Variants in ACOX2 observed in about 807,000 individuals in gnomAD.
ACOX2 encodes peroxisomal acyl-coenzyme A oxidase 2.
ACOX2 carries 59 observed loss-of-function variants against 77.5 expected under a neutral mutation model. That is an observed-to-expected ratio of 0.76 (90% CI 0.62 to 0.95). ACOX2 has a LOEUF of 0.95. Ranked by LOEUF, ACOX2 falls within the 40% of genes least tolerant of loss-of-function variation. The probability of loss-of-function intolerance (pLI) is 0.00; values close to 1 mark genes in which losing one functional copy is unlikely to be tolerated. For missense variants in ACOX2, 837 were observed against 880.4 expected (o/e 0.95, Z 0.62); for synonymous variants, 317 against 340.1 (o/e 0.93, Z 0.75).
rs1301065185 is a variant in ACOX2 at position 58,535,262 on chromosome 3, T to G, written c.-91-65A>C. 1 of 865,840 alleles carries G rather than the reference T, an allele frequency of 1.2e-6. No individual in the cohort carries two copies. Among genetic ancestry groups the G allele is most frequent in the Non-Finnish European group, 1.8e-6 (1 of 549,772 alleles). The allele number at this position is 865,840 out of a possible 1,614,324, so 53.6% of individuals were successfully genotyped here. On this transcript the variant is annotated intron_variant, in intron 1 of 14. Transcript: ENST00000302819. This position sits in a 1 kb window ranked among gnomAD's most constrained non-coding sequence, Gnocchi z 4.8. ...AGGGCTGGTTGGTAGAAGAAAGACA[T>G]CCCTAAGTACCTGAATGCCACTCCA...
At position 58,524,308 on chromosome 3, in the gene ACOX2, G is replaced by C; in HGVS notation, c.1526+118C>G. The C allele has an allele frequency of 1.5e-6, 2 of 1,299,378 alleles. No homozygotes were observed. Among genetic ancestry groups the C allele is most frequent in the South Asian group, 1.4e-5 (1 of 69,026 alleles). The allele number at this position is 1,299,378 out of a possible 1,614,324, so 80.5% of individuals were successfully genotyped here. A position where few individuals can be genotyped will look rare whatever the true frequency, so the allele number is the denominator to read the frequency against. On this transcript the variant is annotated intron_variant, in intron 11 of 14. Coordinates refer to ENST00000302819, the MANE Select transcript of ACOX2 (RefSeq NM_003500.4). The surrounding 1 kb of genome is among the most constrained non-coding windows in gnomAD (Gnocchi z 5.5). ...GGAACTGAGAGGACCGGGGAGGCTA[G>C]GCATGGGGTGGTTTTTAGAACTGAA...
At position 58,521,705 on chromosome 3, in the gene ACOX2, C is replaced by A. The variant is rs1334300319; in HGVS notation, c.1632+791G>T. Reference sequence around the variant, plus strand: ...CATTGCAATGAAAACAAAACCCCAACTTTTCACAGTGGTGCAAAAGGTCAG... The same window carrying A: ...CATTGCAATGAAAACAAAACCCCAAATTTTCACAGTGGTGCAAAAGGTCAG... On this transcript the variant is annotated intron_variant, in intron 12 of 14. Coordinates refer to ENST00000302819, the MANE Select transcript of ACOX2 (RefSeq NM_003500.4). This position sits in a 1 kb window ranked among gnomAD's most constrained non-coding sequence, Gnocchi z 4.8. Among the ~76,000 whole-genome samples, 1 of 152,232 alleles carries A rather than the reference C, an allele frequency of 6.6e-6. No individual in the cohort carries two copies. Among genetic ancestry groups the A allele is most frequent in the Non-Finnish European group, 1.5e-5 (1 of 68,042 alleles).
rs1250684902 is a variant in ACOX2 at position 58,528,953 on chromosome 3, G to A, written c.996C>T (p.Asp332=). 1 of 1,607,892 alleles carries A rather than the reference G, an allele frequency of 6.2e-7. No homozygotes were observed. Among genetic ancestry groups the A allele is most frequent in the Non-Finnish European group, 8.5e-7 (1 of 1,176,768 alleles). The change falls in exon 9 of 15, where the codon GAC becomes GAT. Residue 332 remains aspartate (D), a synonymous_variant. Transcript: ENST00000302819. The surrounding 1 kb of genome is among the most constrained non-coding windows in gnomAD (Gnocchi z 5.6). ...IRRQSRLRPS[D]PEAKVLDYQT... is the part of the protein sequence containing the mutation. ...GGTAGTCCAGGACCTTTGCCTCTGGGTCACTGAAGGGAAAAGAACCAGAAG... is the reference window on the plus strand; with the variant it reads ...GGTAGTCCAGGACCTTTGCCTCTGGATCACTGAAGGGAAAAGAACCAGAAG...
intron 14 of ACOX2, among the ~76,000 whole-genome samples, chr3:58,506,600 C>A (rs1268085551): frequency 6.6e-6 from 1 of 152,144 alleles, no homozygotes; most frequent in African/African-American, 2.4e-5. Flanking sequence ...TGAGACCAGC[C>A]TGGCCAACAT....
Position 58,526,383 on chromosome 3 carries a change from C to A in ACOX2, c.1346+83G>T. The A allele has an allele frequency of 1.4e-6, 2 of 1,443,384 alleles. No homozygotes were observed. Among genetic ancestry groups the A allele is most frequent in the East Asian group, 4.9e-5 (2 of 40,914 alleles). 89.4% of individuals were successfully genotyped at this position (1,443,384 alleles called of 1,614,324 possible). Reference sequence around the variant, plus strand: ...TCGCAAAGCCTGCTCTTTTTATGGGCCTCAGACGGAACCCTCCACCCAACA... The same window carrying A: ...TCGCAAAGCCTGCTCTTTTTATGGGACTCAGACGGAACCCTCCACCCAACA... On this transcript the variant is annotated intron_variant, in intron 10 of 14. Transcript: ENST00000302819. This position sits in a 1 kb window ranked among gnomAD's most constrained non-coding sequence, Gnocchi z 4.3.
chr3:58,530,334 G>GTGTGTGTA (rs2063428005), intron 8 of ACOX2, 132 bp downstream of exon 8: 2 of 1,294,140 alleles, frequency 1.5e-6, no homozygotes, highest in East Asian at 4.7e-5. Flanking sequence ...TTGTGTTTGT[G>GTGTGTGTA]TGTGTGTATG....
chr3:58,520,538 C>G (rs2063351414), intron 12 of ACOX2, among the ~76,000 whole-genome samples: 1 of 152,270 alleles, frequency 6.6e-6, no homozygotes, highest in South Asian at 2.1e-4. Context: ...TCACACAGAG[C>G]TGGGACCAGA....
chr3:58,536,777 A>T (rs1335905448), intron 1 of ACOX2, among the ~76,000 whole-genome samples: 1 of 152,150 alleles, frequency 6.6e-6, no homozygotes, highest in Non-Finnish European at 1.5e-5. Flanking sequence ...CACCCTCTTT[A>T]AAACCCCAAG....
chr3:58,517,403 A>G lies in ACOX2; in HGVS notation c.1653T>C (p.Thr551=), dbSNP rs377127051. The G allele has an allele frequency of 7.4e-6, 12 of 1,613,976 alleles. No individual in the cohort carries two copies. Among genetic ancestry groups the G allele is most frequent in the Non-Finnish European group, 1.0e-5 (12 of 1,180,000 alleles). The change falls in exon 13 of 15, where the codon ACT becomes ACC. Residue 551 remains threonine (T), a synonymous_variant. Coordinates refer to ENST00000302819, the MANE Select transcript of ACOX2 (RefSeq NM_003500.4). ...QAAKVHCYYV[T]VKGFTEALEK... ...CCAGAGCTTCTGTAAAACCCTTCAC[A>G]GTGACATAGTAGCAGTGCACCTACA...
Position 58,535,256 on chromosome 3 carries a change from A to T in ACOX2, c.-91-59T>A. ...TCAGCCAGGGCTGGTTGGTAGAAGA[A>T]AGACATCCCTAAGTACCTGAATGCC... On this transcript the variant is annotated intron_variant, in intron 1 of 14. Coordinates refer to ENST00000302819, the MANE Select transcript of ACOX2 (RefSeq NM_003500.4). The surrounding 1 kb of genome is among the most constrained non-coding windows in gnomAD (Gnocchi z 4.8). 1 of 928,052 alleles carries T rather than the reference A, an allele frequency of 1.1e-6. No individual in the cohort carries two copies. The highest frequency in any genetic ancestry group is 1.6e-5 in the South Asian group (1 of 63,716). The allele number at this position is 928,052 out of a possible 1,614,324, so 57.5% of individuals were successfully genotyped here.
intron 9 of ACOX2, among the ~76,000 whole-genome samples, chr3:58,527,177 G>A (rs1369924434): frequency 6.6e-6 from 1 of 152,034 alleles, no homozygotes; most frequent in Admixed American, 6.6e-5. Context: ...TAGGAGTTGG[G>A]GCCTTCAGGA....
Position 58,524,463 on chromosome 3 carries a change from C to T in ACOX2, c.1489G>A (p.Glu497Lys), listed in dbSNP as rs1560216288. 6 of 1,613,792 alleles carry T rather than the reference C, an allele frequency of 3.7e-6. No individual in the cohort carries two copies. Among genetic ancestry groups the T allele is most frequent in the Non-Finnish European group, 5.1e-6 (6 of 1,179,906 alleles). The change falls in exon 11 of 15, where the codon GAG becomes AAG. Residue 497 changes from glutamate (E) to lysine (K), a missense_variant. By Grantham distance (56) the Glu-to-Lys change is moderately conservative. Coordinates refer to ENST00000302819, the MANE Select transcript of ACOX2 (RefSeq NM_003500.4). The surrounding 1 kb of genome is among the most constrained non-coding windows in gnomAD (Gnocchi z 5.5). ...TGTGCCCAGGCCGTGGTGTAGAGCTCCGGGCAGAGGAAGTCGGCTGCCCTC... is the reference window on the plus strand; with the variant it reads ...TGTGCCCAGGCCGTGGTGTAGAGCTTCGGGCAGAGGAAGTCGGCTGCCCTC... The part of the protein sequence containing the change: ...AQRAADFLCP[E>K]LYTTAWAHVA...
chr3:58,522,748 T>C lies in ACOX2; in HGVS notation c.1527-147A>G. Reference sequence around the variant, plus strand: ...AGCTAAATGATTGATATTTATTATCTTTTTAACTCTTTTAAGGGCAGGCAC... The same window carrying C: ...AGCTAAATGATTGATATTTATTATCCTTTTAACTCTTTTAAGGGCAGGCAC... On this transcript the variant is annotated intron_variant, in intron 11 of 14. Transcript: ENST00000302819. This position sits in a 1 kb window ranked among gnomAD's most constrained non-coding sequence, Gnocchi z 4.3. 1 of 739,044 alleles carries C rather than the reference T, an allele frequency of 1.4e-6. No homozygotes were observed. Among genetic ancestry groups the C allele is most frequent in the Non-Finnish European group, 2.2e-6 (1 of 446,898 alleles). 45.8% of individuals were successfully genotyped at this position (739,044 alleles called of 1,614,324 possible). A position where few individuals can be genotyped will look rare whatever the true frequency, so the allele number is the denominator to read the frequency against.
rs570082627 is a variant in ACOX2 at position 58,533,467 on chromosome 3, G to A, written c.561C>T (p.Ala187=). Reference sequence around the variant, plus strand: ...CACAGTCTCCAGGCCACCATTTGGTGGCAGTCAGCGTGGGGCTGTGTATCA... The same window carrying A: ...CACAGTCTCCAGGCCACCATTTGGTAGCAGTCAGCGTGGGGCTGTGTATCA... The part of the protein sequence containing the change: ...EFVIHSPTLT[A]TKWWPGDLGR... Residue 187 remains alanine, a synonymous_variant, in exon 5 of 15, where the codon GCC becomes GCT. Transcript: ENST00000302819. This position sits in a 1 kb window ranked among gnomAD's most constrained non-coding sequence, Gnocchi z 5.6. 12 of 1,613,994 alleles carry A rather than the reference G, an allele frequency of 7.4e-6. No individual in the cohort carries two copies. The South Asian group carries it at 1.2e-4, about 16-fold the overall frequency.
chr3:58,532,938 G>A (rs2063451862), intron 5 of ACOX2, among the ~76,000 whole-genome samples: 1 of 152,150 alleles, frequency 6.6e-6, no homozygotes, highest in Admixed American at 6.5e-5. Flanking sequence ...GCCACCTGGT[G>A]GCCACAGCAG....
intron 8 of ACOX2, among the ~76,000 whole-genome samples, chr3:58,529,560 G>C (rs533034282): frequency 6.6e-6 from 1 of 152,280 alleles, no homozygotes; most frequent in South Asian, 2.1e-4. Context: ...TGCTTACCTG[G>C]CGCATCTTTC....
chr3:58,526,430 G>A lies in ACOX2; in HGVS notation c.1346+36C>T, dbSNP rs1206328010. On this transcript the variant is annotated intron_variant, in intron 10 of 14. Coordinates refer to ENST00000302819, the MANE Select transcript of ACOX2 (RefSeq NM_003500.4). This position sits in a 1 kb window ranked among gnomAD's most constrained non-coding sequence, Gnocchi z 4.3. ...AACAGAAGCTTGGTGGGTCCCCAAG[G>A]GCTTGGGCAAAGGCCTGGGTCAGCC... 6.3e-7 allele frequency: 1 copy of A among 1,578,232 alleles called. No individual in the cohort carries two copies. Among genetic ancestry groups the A allele is most frequent in the Non-Finnish European group, 8.6e-7 (1 of 1,159,948 alleles).
In ACOX2 at chr3:58,525,258, C is replaced by CTTTTCTAATTTGGAAAAATTAGAAAA. The variant is rs1458287294; in HGVS notation, c.1347-654_1347-653insTTTTCTAATTTTTCCAAATTAGAAAA. ...GTACATAATATGTGCTATTGTACTC[C>CTTTTCTAATTTGGAAAAATTAGAAAA]TTTTCTAATTTGGAAAAAAACCAAG... On this transcript the variant is annotated intron_variant, in intron 10 of 14. Coordinates refer to ENST00000302819, the MANE Select transcript of ACOX2 (RefSeq NM_003500.4). The surrounding 1 kb of genome is among the most constrained non-coding windows in gnomAD (Gnocchi z 5.0). Among the ~76,000 whole-genome samples, 1 of 152,066 alleles carries CTTTTCTAATTTGGAAAAATTAGAAAA rather than the reference C, an allele frequency of 6.6e-6. No homozygotes were observed. The highest frequency in any genetic ancestry group is 2.4e-5 in the African/African-American group (1 of 41,406).
chr3:58,507,242 G>A (rs1380492159), intron 14 of ACOX2, among the ~76,000 whole-genome samples: 3 of 152,192 alleles, frequency 2.0e-5, no homozygotes, highest in Admixed American at 6.5e-5. Flanking sequence ...TAGACGTGGA[G>A]TGTCTACTCT....
Sources: allele counts gnomAD v4.1 joint callset (sites outside exome capture counted in the v4.1 genomes callset), GRCh38; gene constraint gnomAD v4.1.1; non-coding constraint Gnocchi (gnomAD v3.1); transcripts MANE v1.5; gene names NCBI Gene and HGNC (gene_info 2026-07-23, HGNC 2026-07-21).